ESRRG: variants seen among roughly 807,000 people sequenced by gnomAD.
ESRRG encodes estrogen-related receptor gamma.
In ESRRG, 13 loss-of-function variants were observed where a neutral mutation model predicts 44.0. That is an observed-to-expected ratio of 0.30 (90% confidence interval 0.19 to 0.47). The LOEUF (loss-of-function observed/expected upper bound fraction) is 0.47. Ranked by LOEUF, ESRRG falls within the 20% of genes least tolerant of loss-of-function variation. The pLI, the probability that ESRRG is intolerant of heterozygous loss-of-function variation, is 1.00. For missense variants in ESRRG, 395 were observed against 580.6 expected, an observed-to-expected ratio of 0.68 and a Z score of 3.29; for synonymous variants, 215 against 214.6, an observed-to-expected ratio of 1.00 and a Z score of -0.02.
Position 217,006,479 on chromosome 1 carries a change from G to T in ESRRG, c.-105-66806C>A, listed in dbSNP as rs186691173. On this transcript the variant is annotated intron_variant, in intron 1 of 7. Coordinates refer to the ESRRG transcript ENST00000359162. ...TGTGTGGAGCCAACATTGCACTACA[G>T]TTACGTTGGAACTGGCTTAATAACA... 3.9e-5 allele frequency among the ~76,000 whole-genome samples: 6 copies of T among 152,186 alleles called. No homozygotes were observed. In the East Asian group the frequency reaches 1.2e-3, roughly 29 times the overall value.
rs143294422 is a variant in ESRRG, at chr1:216,928,784, T to G, written c.-14+10798A>C. ...AATATTATTAAGCCTTGGAAAAGAT[T>G]AGGATTCTGATACATGCTACAGCCA... On this transcript the variant is annotated intron_variant, in intron 2 of 7. Transcript: ENST00000359162. Among the ~76,000 whole-genome samples, 176 of 152,264 alleles carry G rather than the reference T, an allele frequency of 1.2e-3. 3 individuals carry two copies. The highest frequency in any genetic ancestry group is 3.4e-4 in the Non-Finnish European group (23 of 68,010).
chr1:216,603,180 TTAATC>T (rs1162905529), intron 3 of ESRRG, among the ~76,000 whole-genome samples: 13 of 152,240 alleles, frequency 8.5e-5, no homozygotes, highest in Non-Finnish European at 1.6e-4. Flanking sequence ...TTGAATGAAA[TTAATC>T]TATGTAGCTT....
intron 2 of ESRRG, among the ~76,000 whole-genome samples, chr1:216,884,041 C>T (rs1404261640): frequency 6.6e-6 from 1 of 152,146 alleles, no homozygotes; most frequent in Non-Finnish European, 1.5e-5. Context: ...TATAAATCAG[C>T]ATTACCAAAC....
intron 2 of ESRRG, among the ~76,000 whole-genome samples, chr1:216,927,010 GA>G (rs1439259124): frequency 2.6e-5 from 4 of 152,168 alleles, no homozygotes; most frequent in Non-Finnish European, 4.4e-5. Flanking sequence ...TTAGTGTCTA[GA>G]GAGAAATTCT....
intron 2 of ESRRG, among the ~76,000 whole-genome samples, chr1:216,937,918 T>C (rs11117728): frequency 0.088 from 2,204 of 25,112 alleles, 49 homozygotes; most frequent in African/African-American, 0.31. Flanking sequence ...TGCTTTATTA[T>C]TTTTTTTTTT....
intron 2 of ESRRG, among the ~76,000 whole-genome samples, chr1:216,741,647 A>G (rs2090752674): frequency 6.6e-6 from 1 of 152,176 alleles, no homozygotes; most frequent in Admixed American, 6.6e-5. Context: ...TGCTTAGAAC[A>G]CAGCTTAGGG....
chr1:216,942,610 T>A (rs1178024527), intron 1 of ESRRG, among the ~76,000 whole-genome samples: 1 of 152,192 alleles, frequency 6.6e-6, no homozygotes, highest in Non-Finnish European at 1.5e-5. Flanking sequence ...CCACTCTTAC[T>A]GGTGTAGGAT....
At chr1:216,876,504 G>T (rs2096355378) in intron 2 of ESRRG, among the ~76,000 whole-genome samples, 1 of 151,466 alleles carries the variant, frequency 6.6e-6, no homozygotes, top group African/African-American at 2.4e-5. Context: ...ATTGATCATT[G>T]TATCTAGAAT....
At chr1:217,022,409 C>T (rs2080469477) in intron 1 of ESRRG, among the ~76,000 whole-genome samples, 1 of 152,224 alleles carries the variant, frequency 6.6e-6, no homozygotes, top group Non-Finnish European at 1.5e-5. Context: ...TAACAAATCA[C>T]TTCCTGAAAC....
At chr1:216,507,550 A>G (rs1267978436) in intron 6 of ESRRG, among the ~76,000 whole-genome samples, 2 of 152,198 alleles carry the variant, frequency 1.3e-5, no homozygotes, top group Non-Finnish European at 2.9e-5. Flanking sequence ...AAGGCCATCT[A>G]TTGAAAGTAT....
At chr1:216,579,833 G>A (rs1424870149) in intron 3 of ESRRG, among the ~76,000 whole-genome samples, 1 of 152,142 alleles carries the variant, frequency 6.6e-6, no homozygotes, top group South Asian at 2.1e-4. Context: ...ACTCCCTCAT[G>A]TAGAAGGAGG....
At chr1:216,631,800 T>C (rs983289995) in intron 3 of ESRRG, among the ~76,000 whole-genome samples, 1 of 152,140 alleles carries the variant, frequency 6.6e-6, no homozygotes, top group Non-Finnish European at 1.5e-5. Context: ...TCTTTGTGAA[T>C]ACTAGTGTCT....
intron 1 of ESRRG, among the ~76,000 whole-genome samples, chr1:217,010,924 G>T (rs972486998): frequency 3.3e-5 from 5 of 152,270 alleles, no homozygotes; most frequent in African/African-American, 1.2e-4. Flanking sequence ...CCCATCCCTT[G>T]AGACAGATTA....
At chr1:216,843,661 T>C (rs947057989) in intron 2 of ESRRG, among the ~76,000 whole-genome samples, 5 of 152,076 alleles carry the variant, frequency 3.3e-5, no homozygotes, top group African/African-American at 1.2e-4. Context: ...CCCTAACAGA[T>C]TGTGGGGCTG....
At chr1:216,973,055 G>C (rs1201724162) in intron 1 of ESRRG, among the ~76,000 whole-genome samples, 2 of 152,102 alleles carry the variant, frequency 1.3e-5, no homozygotes, top group Non-Finnish European at 2.9e-5. Flanking sequence ...CCAAACCACT[G>C]TGTGTCCTCC....
chr1:217,102,672 A>G (rs915852390), intron 1 of ESRRG, among the ~76,000 whole-genome samples: 4 of 152,198 alleles, frequency 2.6e-5, no homozygotes, highest in Non-Finnish European at 5.9e-5. Flanking sequence ...ATTCTTTAAC[A>G]CATATTTATT....
chr1:216,772,485 A>G (rs919380090), intron 2 of ESRRG, among the ~76,000 whole-genome samples: 2 of 152,098 alleles, frequency 1.3e-5, no homozygotes, highest in East Asian at 1.9e-4. Flanking sequence ...CTAGAGCACA[A>G]TGTGAGAAAA....
chr1:217,025,725 T>C (rs948446647), intron 1 of ESRRG, among the ~76,000 whole-genome samples: 2 of 152,130 alleles, frequency 1.3e-5, no homozygotes, highest in Admixed American at 6.5e-5. Flanking sequence ...CAGGACATAA[T>C]CAAAGTCAAA....
intron 2 of ESRRG, among the ~76,000 whole-genome samples, chr1:216,751,454 T>C (rs2091996564): frequency 6.6e-6 from 1 of 152,156 alleles, no homozygotes; most frequent in African/African-American, 2.4e-5. Context: ...TTTTGATGTC[T>C]CTGAGCAACC....
Sources: gnomAD v4.1 joint callset for allele counts (sites outside exome capture counted in the v4.1 genomes callset) on GRCh38, gnomAD v4.1.1 for gene constraint, MANE v1.5 for transcripts, NCBI Gene and HGNC (gene_info 2026-07-23, HGNC 2026-07-21) for gene names.